Variants in ITGBL1 observed in about 807,000 individuals in gnomAD.
ITGBL1 encodes the protein integrin subunit beta like 1.
A neutral mutation model predicts 68.5 loss-of-function variants in ITGBL1; 51 were observed. The observed-to-expected ratio is 0.74, with a 90% CI of 0.59 to 0.94. The LOEUF is 0.94. Ranked by LOEUF, ITGBL1 falls within the 40% of genes least tolerant of loss-of-function variation. ITGBL1 has a pLI of 0.00. For missense variants in ITGBL1, 649 were observed against 647.4 expected (o/e 1.00, Z -0.03); for synonymous variants, 209 against 227.3 (o/e 0.92, Z 0.72).
chr13:101,587,102 T>A (rs897070088), intron 6 of ITGBL1, among the ~76,000 whole-genome samples: 1 of 152,150 alleles, frequency 6.6e-6, no homozygotes, highest in African/African-American at 2.4e-5. Flanking sequence ...CCAAGGGAAG[T>A]CTCTGGACGG....
intron 7 of ITGBL1, among the ~76,000 whole-genome samples, chr13:101,604,291 A>G (rs2030559751): frequency 6.6e-6 from 1 of 151,990 alleles, no homozygotes; most frequent in South Asian, 2.1e-4. Flanking sequence ...TCAAACATGC[A>G]TGTTTCCTGT....
chr13:101,496,391 A>G (rs1006652702), intron 2 of ITGBL1, among the ~76,000 whole-genome samples: 2 of 152,182 alleles, frequency 1.3e-5, no homozygotes, highest in Non-Finnish European at 2.9e-5. Context: ...GGCTTGACCT[A>G]GATGATCTCA....
intron 2 of ITGBL1, among the ~76,000 whole-genome samples, chr13:101,467,013 T>C (rs2048390911): frequency 6.6e-6 from 1 of 152,128 alleles, no homozygotes; most frequent in Non-Finnish European, 1.5e-5. Context: ...TGGTGAGGGC[T>C]CATTTTCAGC....
chr13:101,562,883 G>A (rs948049047), intron 2 of ITGBL1, among the ~76,000 whole-genome samples: 2 of 151,666 alleles, frequency 1.3e-5, no homozygotes, highest in African/African-American at 4.8e-5. Flanking sequence ...GAACAAGATA[G>A]ATCATCTTCT....
chr13:101,635,707 G>A (rs1001376412), intron 7 of ITGBL1, among the ~76,000 whole-genome samples: 5 of 152,020 alleles, frequency 3.3e-5, no homozygotes, highest in African/African-American at 1.2e-4. Context: ...ATTCACTCCA[G>A]TAACTAATGT....
intron 2 of ITGBL1, among the ~76,000 whole-genome samples, chr13:101,480,378 T>G (rs1177104329): frequency 1.3e-5 from 2 of 151,884 alleles, no homozygotes; most frequent in Non-Finnish European, 2.9e-5. Flanking sequence ...TACAAAAATA[T>G]AGTTAGATAC....
intron 2 of ITGBL1, among the ~76,000 whole-genome samples, chr13:101,553,406 G>T (rs951274243): frequency 1.3e-5 from 2 of 152,076 alleles, no homozygotes; most frequent in Non-Finnish European, 2.9e-5. Context: ...GCATTAATAT[G>T]TCAATGTGTG....
chr13:101,671,736 C>A (rs2033382454), intron 7 of ITGBL1, among the ~76,000 whole-genome samples: 1 of 151,918 alleles, frequency 6.6e-6, no homozygotes, highest in Non-Finnish European at 1.5e-5. Flanking sequence ...CCGCGCCCGG[C>A]CAAAAGTATA....
intron 7 of ITGBL1, among the ~76,000 whole-genome samples, chr13:101,644,309 G>C (rs76217521): frequency 8.5e-4 from 129 of 152,272 alleles, no homozygotes; most frequent in African/African-American, 3.0e-3. Flanking sequence ...AGAGGGAGAT[G>C]GTCAGGCTCA....
At chr13:101,510,844 T>A (rs1047435862) in intron 2 of ITGBL1, among the ~76,000 whole-genome samples, 1 of 152,084 alleles carries the variant, frequency 6.6e-6, no homozygotes, top group Non-Finnish European at 1.5e-5. Flanking sequence ...ATGGGGTTAT[T>A]TGTTTTATGC....
intron 7 of ITGBL1, among the ~76,000 whole-genome samples, chr13:101,685,073 A>T (rs1044424502): frequency 1.3e-5 from 2 of 151,962 alleles, no homozygotes; most frequent in African/African-American, 4.8e-5. Context: ...AGTATTTCTG[A>T]ATATTACCAT....
intron 2 of ITGBL1, among the ~76,000 whole-genome samples, chr13:101,471,909 A>G (rs1336399979): frequency 2.0e-5 from 3 of 152,234 alleles, no homozygotes; most frequent in African/African-American, 7.2e-5. Context: ...GGGATATTCA[A>G]ATATTCAGTG....
intron 2 of ITGBL1, among the ~76,000 whole-genome samples, chr13:101,455,319 G>T (rs904533881): frequency 6.6e-6 from 1 of 152,274 alleles, no homozygotes; most frequent in Non-Finnish European, 1.5e-5. Flanking sequence ...TTGGAGGGGC[G>T]CAGGTGCATC....
At chr13:101,720,724 A>G (rs1036112806), downstream of ITGBL1, 3 of 150,944 alleles carry the variant, frequency 2.0e-5, no homozygotes, top group Non-Finnish European at 4.4e-5. Context: ...GTTATCTAAT[A>G]TATTTTAACT....
intron 2 of ITGBL1, among the ~76,000 whole-genome samples, chr13:101,544,690 G>A (rs907510447): frequency 7.2e-5 from 11 of 152,146 alleles, no homozygotes; most frequent in African/African-American, 1.4e-4. Context: ...CTTGAGCTGC[G>A]GTGGGCTCCA....
At chr13:101,611,028 G>A (rs956099856) in intron 7 of ITGBL1, among the ~76,000 whole-genome samples, 2 of 152,072 alleles carry the variant, frequency 1.3e-5, no homozygotes, top group African/African-American at 4.8e-5. Context: ...GTAAAGAACA[G>A]GAAGCATACT....
intron 7 of ITGBL1, among the ~76,000 whole-genome samples, chr13:101,680,678 C>A (rs1034421310): frequency 2.6e-5 from 4 of 152,010 alleles, no homozygotes; most frequent in Non-Finnish European, 2.9e-5. Context: ...ATACTATGTG[C>A]CAAGCCCTGT....
intron 2 of ITGBL1, among the ~76,000 whole-genome samples, chr13:101,553,925 C>G (rs905136716): frequency 1.3e-5 from 2 of 152,088 alleles, no homozygotes; most frequent in Non-Finnish European, 2.9e-5. Flanking sequence ...CAGGCATGCA[C>G]CACCACACTC....
chr13:101,649,467 G>A (rs1036436), intron 7 of ITGBL1, among the ~76,000 whole-genome samples: 143,055 of 152,244 alleles, frequency 0.94, 67,400 homozygotes, highest in Middle Eastern at 0.99. Context: ...AATGATTAAA[G>A]AAATTAAAGT....
Sources: gnomAD v4.1 joint callset for allele counts (sites outside exome capture counted in the v4.1 genomes callset) on GRCh38, gnomAD v4.1.1 for gene constraint, MANE v1.5 for transcripts, NCBI Gene and HGNC (gene_info 2026-07-23, HGNC 2026-07-21) for gene names.